APP: variants seen among roughly 807,000 people sequenced by gnomAD.
APP encodes amyloid-beta precursor protein.
Under a neutral mutation model 101.4 loss-of-function variants are expected in APP, and 31 were observed. That is an observed-to-expected ratio of 0.31 (90% confidence interval 0.23 to 0.41). The LOEUF is 0.41. Among genes scored for constraint, APP ranks in the 10% least tolerant of loss-of-function variants. APP has a pLI of 1.00. For synonymous variants in APP, 366 were observed against 364.4 expected, an observed-to-expected ratio of 1.00 and a Z score of -0.05; for missense variants, 839 against 1,003.7, an observed-to-expected ratio of 0.84 and a Z score of 2.22.
chr21:26,061,053 G>T (rs1026415092), intron 3 of APP, among the ~76,000 whole-genome samples: 1 of 152,190 alleles, frequency 6.6e-6, no homozygotes, highest in Non-Finnish European at 1.5e-5. Context: ...GACCAGGAAG[G>T]GGGCTCTGGC....
intron 11 of APP, among the ~76,000 whole-genome samples, chr21:25,968,067 A>G (rs1432297219): frequency 1.3e-5 from 2 of 152,228 alleles, no homozygotes; most frequent in East Asian, 3.8e-4. Context: ...TTCTGAGTGC[A>G]AAGACACAGC....
At chr21:25,883,128 T>A (rs764819621) in intron 17 of APP, among the ~76,000 whole-genome samples, 1 of 152,152 alleles carries the variant, frequency 6.6e-6, no homozygotes, top group East Asian at 1.9e-4. Context: ...TATGGCCGGG[T>A]GCAGTGGCTC....
At chr21:25,883,816 C>T (rs556516932) in intron 17 of APP, among the ~76,000 whole-genome samples, 6 of 152,334 alleles carry the variant, frequency 3.9e-5, no homozygotes, top group African/African-American at 1.2e-4. Flanking sequence ...GGAATGACTA[C>T]CAGTGGCTAA....
chr21:26,143,501 AAATG>A (rs1172762652), intron 1 of APP, among the ~76,000 whole-genome samples: 3 of 152,238 alleles, frequency 2.0e-5, no homozygotes, highest in Non-Finnish European at 4.4e-5. Flanking sequence ...ATACACTGTG[AAATG>A]ATTATCACAA....
chr21:26,132,809 C>A (rs2062822019), intron 1 of APP, among the ~76,000 whole-genome samples: 1 of 152,086 alleles, frequency 6.6e-6, no homozygotes, highest in Non-Finnish European at 1.5e-5. Context: ...ACAACAGAAC[C>A]CTAAATTCAG....
intron 11 of APP, among the ~76,000 whole-genome samples, chr21:25,961,094 A>G (rs2041560722): frequency 6.6e-6 from 1 of 152,228 alleles, no homozygotes; most frequent in Non-Finnish European, 1.5e-5. Flanking sequence ...GGAACTGCTT[A>G]GAGCCAATCA....
intron 3 of APP, among the ~76,000 whole-genome samples, chr21:26,082,255 C>T (rs923055770): frequency 6.9e-6 from 1 of 144,456 alleles, no homozygotes; most frequent in Non-Finnish European, 1.5e-5. Flanking sequence ...ATAAATAATC[C>T]TTGTTTTGCA....
At position 25,969,347 on chromosome 21, in the gene APP, CAAAAAAAAAAAAAA is replaced by C. The variant is rs60834302; in HGVS notation, c.1458+5709_1458+5722del. 2.0e-3 allele frequency among the ~76,000 whole-genome samples: 111 copies of C among 55,674 alleles called. 1 individual carries two copies. Among genetic ancestry groups the C allele is most frequent in the Middle Eastern group, 0.015 (1 of 66 alleles). 36.5% of individuals were successfully genotyped at this position (55,674 alleles called of 152,430 possible). A position where few individuals can be genotyped will look rare whatever the true frequency, so the allele number is the denominator to read the frequency against. On this transcript the variant is annotated intron_variant, in intron 11 of 17. Coordinates refer to ENST00000346798, the MANE Select transcript of APP (RefSeq NM_000484.4). ...TGGGCGACAAAGCAAGACTCTGTCT[CAAAAAAAAAAAAAA>C]AAAAAAAAAAAAGAAGGTATTTACA...
chr21:26,146,060 TA>T (rs916548513), intron 1 of APP, among the ~76,000 whole-genome samples: 1 of 152,222 alleles, frequency 6.6e-6, no homozygotes, highest in African/African-American at 2.4e-5. Flanking sequence ...ATGACTGATC[TA>T]AAAAATTTCT....
chr21:25,953,460 C>G (rs945993274), intron 13 of APP, among the ~76,000 whole-genome samples: 1 of 152,154 alleles, frequency 6.6e-6, no homozygotes, highest in Non-Finnish European at 1.5e-5. Flanking sequence ...ACTTCAAAGT[C>G]GGACTTACTG....
Position 25,885,044 on chromosome 21 carries a change from G to T in APP, c.2212-3273C>A, listed in dbSNP as rs185620586. Among the ~76,000 whole-genome samples the T allele has an allele frequency of 2.9e-3, 435 of 152,374 alleles. 3 individuals carry two copies. Among genetic ancestry groups the T allele is most frequent in the Non-Finnish European group, 4.8e-3 (330 of 68,042 alleles). On this transcript the variant is annotated intron_variant, in intron 17 of 17. Coordinates refer to ENST00000346798, the MANE Select transcript of APP (RefSeq NM_000484.4). ...GATAATCCTATTACCTTTTGCCACT[G>T]AGAGGACAGCTACATTTTGCCATTC...
At chr21:26,165,041 T>A (rs1055060514) in intron 1 of APP, among the ~76,000 whole-genome samples, 2 of 152,232 alleles carry the variant, frequency 1.3e-5, no homozygotes, top group African/African-American at 2.4e-5. Flanking sequence ...AATACATATT[T>A]AATAAATGAA....
At chr21:26,166,071 AAAT>A (rs1569054877) in intron 1 of APP, among the ~76,000 whole-genome samples, 1 of 152,192 alleles carries the variant, frequency 6.6e-6, no homozygotes, top group Non-Finnish European at 1.5e-5. Context: ...TTTCCAAGAA[AAAT>A]ACTAGTGTCC....
At chr21:26,149,360 TGAAAGCAC>T (rs1268735494) in intron 1 of APP, among the ~76,000 whole-genome samples, 2 of 152,182 alleles carry the variant, frequency 1.3e-5, no homozygotes, top group Non-Finnish European at 2.9e-5. Context: ...AAAAATTAAG[TGAAAGCAC>T]TTTTCAACAA....
chr21:26,107,082 G>T (rs913398892), intron 2 of APP, among the ~76,000 whole-genome samples: 41 of 152,304 alleles, frequency 2.7e-4, no homozygotes, highest in African/African-American at 9.6e-4. Context: ...TCTACAGCAT[G>T]TTCCTCCAGT....
intron 2 of APP, among the ~76,000 whole-genome samples, chr21:26,090,461 C>G (rs8130594): frequency 0.63 from 58,310 of 92,850 alleles, 12,316 homozygotes; most frequent in African/African-American, 0.69. Flanking sequence ...AAATTCAGTA[C>G]AAAGAAAAAG....
rs151188448 is a variant in APP at position 26,090,072 on chromosome 21, C to G, written c.226G>C (p.Val76Leu). Residue 76 changes from valine to leucine, a missense_variant and splice_region_variant, in exon 3 of 18, where the codon GTC (valine) becomes CTC (leucine). By Grantham distance (32) the Val-to-Leu change is conservative. Transcript: ENST00000346798. ...KEGILQYCQE[V>L]YPELQITNVV... ...TTGGTGATCTGCAGTTCAGGGTAGA[C>G]CTGGGAGAGCACACAAAAAGAATCA... 6.2e-7 allele frequency: 1 copy of G among 1,614,030 alleles called. No individual in the cohort carries two copies. Among genetic ancestry groups the G allele is most frequent in the East Asian group, 2.2e-5 (1 of 44,866 alleles).
chr21:26,169,932 G>A (rs1316171511), intron 1 of APP, among the ~76,000 whole-genome samples: 1 of 152,216 alleles, frequency 6.6e-6, no homozygotes, highest in African/African-American at 2.4e-5. Flanking sequence ...AAGGCGGTGC[G>A]CGACCCCGAC....
At chr21:26,107,033 T>C (rs535579230) in intron 2 of APP, among the ~76,000 whole-genome samples, 2 of 152,334 alleles carry the variant, frequency 1.3e-5, no homozygotes, top group Non-Finnish European at 2.9e-5. Context: ...AGGTGTTGTC[T>C]TGCAGACCCT....
Sources: gnomAD v4.1 joint callset for allele counts (sites outside exome capture counted in the v4.1 genomes callset) on GRCh38, gnomAD v4.1.1 for gene constraint, MANE v1.5 for transcripts, NCBI Gene and HGNC (gene_info 2026-07-23, HGNC 2026-07-21) for gene names.